SEC23B: variants seen among roughly 807,000 people sequenced by gnomAD.
SEC23B encodes protein transport protein Sec23B.
A neutral mutation model predicts 104.3 loss-of-function variants in SEC23B; 77 were observed. That is an observed-to-expected ratio of 0.74 (90% CI 0.61 to 0.89). SEC23B has a LOEUF of 0.89. Ranked by LOEUF, SEC23B falls within the 40% of genes least tolerant of loss-of-function variation. The probability of loss-of-function intolerance (pLI) is 0.00; values close to 1 mark genes in which losing one functional copy is unlikely to be tolerated. For missense variants in SEC23B, 885 were observed against 949.4 expected, an observed-to-expected ratio of 0.93 and a Z score of 0.89; for synonymous variants, 338 against 332.5, an observed-to-expected ratio of 1.02 and a Z score of -0.18.
In SEC23B at chr20:18,548,786, A is replaced by G. The variant is rs775578317; in HGVS notation, c.1905+16A>G. 1.2e-5 allele frequency: 19 copies of G among 1,612,786 alleles called. No individual in the cohort carries two copies. Among genetic ancestry groups the G allele is most frequent in the Admixed American group, 1.7e-5 (1 of 59,996 alleles). On this transcript the variant is annotated intron_variant, in intron 16 of 19. Transcript: ENST00000650089. ...GCCACCAGAGGTGAGGCTCTACCCAAATGCTTTCCTGAGGATTGGAATCAC... is the reference window on the plus strand; with the variant it reads ...GCCACCAGAGGTGAGGCTCTACCCAGATGCTTTCCTGAGGATTGGAATCAC...
At chr20:18,512,918 A>C (rs1757367087) in intron 3 of SEC23B, among the ~76,000 whole-genome samples, 1 of 151,930 alleles carries the variant, frequency 6.6e-6, no homozygotes, top group South Asian at 2.1e-4. Flanking sequence ...GGGCGCGGTG[A>C]CTTACGCCTA....
chr20:18,512,923 C>T (rs545157419), intron 3 of SEC23B, among the ~76,000 whole-genome samples: 3 of 152,108 alleles, frequency 2.0e-5, no homozygotes, highest in African/African-American at 7.2e-5. Context: ...CGGTGACTTA[C>T]GCCTATAATC....
chr20:18,516,600 G>A (rs1441621362), intron 4 of SEC23B, among the ~76,000 whole-genome samples: 2 of 146,610 alleles, frequency 1.4e-5, no homozygotes, highest in African/African-American at 5.1e-5. Context: ...TGCCCAGGCT[G>A]GAGTGCAGTG....
At chr20:18,540,700 A>G (rs2060279653) in intron 12 of SEC23B, among the ~76,000 whole-genome samples, 1 of 152,176 alleles carries the variant, frequency 6.6e-6, no homozygotes, top group Admixed American at 6.5e-5. Flanking sequence ...TACCAAAAAT[A>G]CAGAAATTAG....
Position 18,526,369 on chromosome 20 carries a change from T to A in SEC23B, c.835-4T>A. 6.2e-7 allele frequency: 1 copy of A among 1,614,102 alleles called. No individual in the cohort carries two copies. The highest frequency in any genetic ancestry group is 8.5e-7 in the Non-Finnish European group (1 of 1,179,948). ...TTCTAACATGCTGCCATTCGCTATT[T>A]TAGGGCACTTTTCCAAACACAGGAG... On this transcript the variant is annotated splice_polypyrimidine_tract_variant and splice_region_variant and intron_variant, in intron 7 of 19. Transcript: ENST00000650089.
chr20:18,554,172 A>G lies in SEC23B; in HGVS notation c.1993-63A>G, dbSNP rs1042574807. 3.8e-6 allele frequency: 6 copies of G among 1,572,538 alleles called. No individual in the cohort carries two copies. The African/African-American group carries it at 8.1e-5, about 21-fold the overall frequency. On this transcript the variant is annotated intron_variant, in intron 17 of 19. Transcript: ENST00000650089. Reference sequence around the variant, plus strand: ...CTCTGGGTGGCGATGGTAGAATGTCAGTGTCAGTGAAGGCTGTTATTACAG... The same window carrying G: ...CTCTGGGTGGCGATGGTAGAATGTCGGTGTCAGTGAAGGCTGTTATTACAG...
intron 2 of SEC23B, 27 bp downstream of exon 2, chr20:18,511,083 A>C (rs746290284): frequency 2.6e-5 from 39 of 1,490,678 alleles, no homozygotes; most frequent in Non-Finnish European, 3.6e-5. Flanking sequence ...AACTGGTAAA[A>C]ATGATAAATA....
At chr20:18,526,626 A>G (rs2060136774) in intron 8 of SEC23B, 95 bp downstream of exon 8, 1 of 1,298,638 alleles carries the variant, frequency 7.7e-7, no homozygotes, top group Non-Finnish European at 1.1e-6. Flanking sequence ...GTCATGTGTC[A>G]TGGTCAGCAA....
chr20:18,527,945 A>G (rs543213492), intron 9 of SEC23B, among the ~76,000 whole-genome samples: 1 of 152,328 alleles, frequency 6.6e-6, no homozygotes, highest in East Asian at 1.9e-4. Context: ...GAATTGGGGA[A>G]AACAGGGTCT....
At chr20:18,540,276 GT>G (rs1300857191) in intron 12 of SEC23B, among the ~76,000 whole-genome samples, 1 of 152,212 alleles carries the variant, frequency 6.6e-6, no homozygotes, top group Middle Eastern at 3.2e-3. Flanking sequence ...CAGAACGGAT[GT>G]TGTGTTAGCA....
chr20:18,529,243 G>A (rs536935646), intron 9 of SEC23B, among the ~76,000 whole-genome samples: 5 of 152,316 alleles, frequency 3.3e-5, no homozygotes, highest in South Asian at 2.1e-4. Context: ...TGACCAAAGA[G>A]TGGAACTAGA....
intron 10 of SEC23B, among the ~76,000 whole-genome samples, chr20:18,531,336 C>T (rs1205273640): frequency 1.3e-5 from 2 of 152,202 alleles, no homozygotes; most frequent in South Asian, 4.1e-4. Context: ...TGTTTAATGT[C>T]TTCCTGAAGA....
intron 11 of SEC23B, among the ~76,000 whole-genome samples, chr20:18,533,214 G>T (rs970012285): frequency 4.6e-5 from 7 of 152,232 alleles, no homozygotes; most frequent in Non-Finnish European, 8.8e-5. Flanking sequence ...ACACTGCTGT[G>T]TGTGCAGACA....
intron 13 of SEC23B, 103 bp downstream of exon 13, chr20:18,542,505 G>A (rs1465818132): frequency 8.6e-7 from 1 of 1,163,966 alleles, no homozygotes; most frequent in Non-Finnish European, 1.3e-6. Flanking sequence ...TCCATTGAAT[G>A]GTTCTCACCA....
At chr20:18,516,641 T>C (rs1013363277) in intron 4 of SEC23B, among the ~76,000 whole-genome samples, 6 of 151,698 alleles carry the variant, frequency 4.0e-5, no homozygotes, top group Admixed American at 3.3e-4. Context: ...AAGCTCTGCC[T>C]CTCGGGTTCA....
chr20:18,560,552 C>T, intron 19 of SEC23B, 99 bp from the exon 20 acceptor site: 1 of 904,774 alleles, frequency 1.1e-6, no homozygotes. Flanking sequence ...GCAGAGGGGA[C>T]AACACCTGTG....
chr20:18,545,931 G>C, intron 14 of SEC23B, 25 bp from the exon 15 acceptor site: 1 of 1,337,620 alleles, frequency 7.5e-7, no homozygotes, highest in Non-Finnish European at 1.1e-6. Flanking sequence ...GTGTTTGTTT[G>C]TTTTTTGGTA....
chr20:18,538,156 C>T (rs1366328503), intron 12 of SEC23B, among the ~76,000 whole-genome samples: 1 of 151,744 alleles, frequency 6.6e-6, no homozygotes, highest in Non-Finnish European at 1.5e-5. Flanking sequence ...AATGGCCAGG[C>T]TGGTCTTGAA....
chr20:18,554,289 T>C lies in SEC23B; in HGVS notation c.2047T>C (p.Phe683Leu). The C allele has an allele frequency of 6.2e-7, 1 of 1,614,196 alleles. No individual in the cohort carries two copies. Among genetic ancestry groups the C allele is most frequent in the Non-Finnish European group, 8.5e-7 (1 of 1,180,040 alleles). Residue 683 changes from phenylalanine to leucine, a missense_variant, in exon 18 of 20, where the codon TTC becomes CTC. Physicochemically the swap from Phe to Leu is conservative, Grantham distance 22. Transcript: ENST00000650089. ...GYQDMPEYEN[F>L]KHLLQAPLDD... ...CCAGGACATGCCCGAGTATGAAAAC[T>C]TCAAGCACCTTCTGCAGGCACCACT...
Sources: allele counts gnomAD v4.1 joint callset (sites outside exome capture counted in the v4.1 genomes callset), GRCh38; gene constraint gnomAD v4.1.1; transcripts MANE v1.5; gene names NCBI Gene and HGNC (gene_info 2026-07-23, HGNC 2026-07-21).